The following GALNT16 variants were observed in gnomAD, a reference collection of about 807,000 sequenced individuals.
GALNT16 encodes polypeptide N-acetylgalactosaminyltransferase 16, also known as UDP-GalNAc:polypeptide N-acetylgalactosaminyltransferase-like protein 1.
A neutral mutation model predicts 76.1 loss-of-function variants in GALNT16; 40 were observed. The ratio of observed to expected loss-of-function variants is 0.53; its 90% CI spans 0.41 to 0.68. The LOEUF (loss-of-function observed/expected upper bound fraction) is 0.68. Among genes scored for constraint, GALNT16 ranks in the 30% least tolerant of loss-of-function variants. The pLI is 0.00. For missense variants in GALNT16, 621 were observed against 731.9 expected, an observed-to-expected ratio of 0.85 and a Z score of 1.75; for synonymous variants, 276 against 285.2, an observed-to-expected ratio of 0.97 and a Z score of 0.32.
intron 2 of GALNT16, among the ~76,000 whole-genome samples, chr14:69,323,519 C>G (rs920531037): frequency 1.3e-5 from 2 of 152,180 alleles, no homozygotes; most frequent in African/African-American, 4.8e-5. Flanking sequence ...TGGAGGTCAG[C>G]ACTGGGAGGG....
chr14:69,307,692 G>C (rs1483883853), intron 1 of GALNT16, among the ~76,000 whole-genome samples: 3 of 152,110 alleles, frequency 2.0e-5, no homozygotes, highest in Admixed American at 6.5e-5. Context: ...TCCTTGCCCT[G>C]CCTGCCCACC....
chr14:69,306,649 A>T (rs112002796), intron 1 of GALNT16, among the ~76,000 whole-genome samples: 4 of 152,328 alleles, frequency 2.6e-5, no homozygotes, highest in African/African-American at 9.6e-5. Flanking sequence ...AAGTTGAATC[A>T]TGATTAAAAT....
intron 1 of GALNT16, among the ~76,000 whole-genome samples, chr14:69,308,304 A>T (rs1040625135): frequency 6.6e-6 from 1 of 152,114 alleles, no homozygotes; most frequent in Non-Finnish European, 1.5e-5. Context: ...TATATAAAAA[A>T]ACCTGACATG....
At chr14:69,343,637 G>T (rs11622064) in intron 12 of GALNT16, among the ~76,000 whole-genome samples, 17,580 of 152,280 alleles carry the variant, frequency 0.12, 1,200 homozygotes, top group East Asian at 0.28. Context: ...AGAAAAAAGA[G>T]CAGTCACTTC....
chr14:69,274,441 G>A (rs2044445874), intron 1 of GALNT16, among the ~76,000 whole-genome samples: 1 of 152,112 alleles, frequency 6.6e-6, no homozygotes, highest in African/African-American at 2.4e-5. Flanking sequence ...TTTCTCATGT[G>A]GTTGCAAACA....
At chr14:69,323,909 A>G (rs2045239494) in intron 2 of GALNT16, among the ~76,000 whole-genome samples, 1 of 152,206 alleles carries the variant, frequency 6.6e-6, no homozygotes, top group African/African-American at 2.4e-5. Flanking sequence ...AAAACCAGCA[A>G]CGGAGGCCAC....
In GALNT16 at chr14:69,331,450, C is replaced by T. The variant is rs1392356262; in HGVS notation, c.691-14C>T. The T allele has an allele frequency of 6.7e-7, 1 of 1,498,622 alleles. No homozygotes were observed. Among genetic ancestry groups the T allele is most frequent in the Non-Finnish European group, 9.3e-7 (1 of 1,075,074 alleles). The allele number at this position is 1,498,622 out of a possible 1,614,324, so 92.8% of individuals were successfully genotyped here. ...AAGTCCCAGGCCTCACACCATCTCA[C>T]ATCTCTCTCCTAGGACCACACCCGC... is the stretch of plus-strand genomic sequence containing the variant. On this transcript the variant is annotated splice_polypyrimidine_tract_variant and intron_variant, in intron 6 of 14. Coordinates refer to ENST00000448469, the MANE Select transcript of GALNT16 (RefSeq NM_001168368.2).
intron 13 of GALNT16, among the ~76,000 whole-genome samples, chr14:69,347,674 A>G (rs1040900949): frequency 1.3e-5 from 2 of 152,112 alleles, no homozygotes; most frequent in African/African-American, 4.8e-5. Context: ...CCCCCACCCC[A>G]GCATTTTATT....
At position 69,333,353 on chromosome 14, in the gene GALNT16, G is replaced by A. The variant is rs905951495; in HGVS notation, c.864-144G>A. 1.8e-4 allele frequency: 130 copies of A among 707,646 alleles called. No individual in the cohort carries two copies. Among genetic ancestry groups the A allele is most frequent in the East Asian group, 4.3e-4 (16 of 37,232 alleles). The allele number at this position is 707,646 out of a possible 1,614,324, so 43.8% of individuals were successfully genotyped here. ...AGAGGCCACGGGAACAGATGTGGGGGGCCAGGGAGCTGGCCAGACATCCTG... is the reference window on the plus strand; with the variant it reads ...AGAGGCCACGGGAACAGATGTGGGGAGCCAGGGAGCTGGCCAGACATCCTG... On this transcript the variant is annotated intron_variant, in intron 8 of 14. Coordinates refer to ENST00000448469, the MANE Select transcript of GALNT16 (RefSeq NM_001168368.2). The surrounding 1 kb of genome is among the most constrained non-coding windows in gnomAD (Gnocchi z 4.2).
rs1261309069 is a variant in GALNT16, at chr14:69,347,100, T to C, written c.1332T>C (p.Ser444=). ...AGCAGGGGGTGAACTGCTTAGAATC[T>C]CAGGGCCAGAACACAGCTGGTGACT... ...IIKQGVNCLE[S]QGQNTAGDFL... Residue 444 remains serine (S), a synonymous_variant, in exon 13 of 15, where the codon TCT becomes TCC. Transcript: ENST00000448469. The C allele has an allele frequency of 1.2e-6, 2 of 1,613,984 alleles. No homozygotes were observed. Among genetic ancestry groups the C allele is most frequent in the Admixed American group, 1.7e-5 (1 of 60,002 alleles).
rs141209603 is a variant in GALNT16, at chr14:69,333,039, C to T, written c.779-46C>T. 3.7e-5 allele frequency: 51 copies of T among 1,390,450 alleles called. No individual in the cohort carries two copies. The East Asian group carries it at 4.1e-4, about 11-fold the overall frequency. 86.1% of individuals were successfully genotyped at this position (1,390,450 alleles called of 1,614,324 possible). A position where few individuals can be genotyped will look rare whatever the true frequency, so the allele number is the denominator to read the frequency against. The stretch of plus-strand genomic sequence containing the variant: ...GGTGGAGTGAAGGGTCTCAGCAGCC[C>T]GCAGCTCTGCCCTGAGCTCTGTCCT... On this transcript the variant is annotated intron_variant, in intron 7 of 14. Coordinates refer to ENST00000448469, the MANE Select transcript of GALNT16 (RefSeq NM_001168368.2). The surrounding 1 kb of genome is among the most constrained non-coding windows in gnomAD (Gnocchi z 4.2).
At chr14:69,315,854 T>A (rs1405824854) in intron 1 of GALNT16, among the ~76,000 whole-genome samples, 1 of 152,200 alleles carries the variant, frequency 6.6e-6, no homozygotes, top group Non-Finnish European at 1.5e-5. Context: ...ATACTTTACA[T>A]CTCTTGGTTC....
At chr14:69,364,569 AAC>A in the GALNT16 span, among the ~76,000 whole-genome samples, 1 of 152,208 alleles carries the variant, frequency 6.6e-6, no homozygotes, top group Non-Finnish European at 1.5e-5. The surrounding 1 kb of genome is among the most constrained non-coding windows in gnomAD (Gnocchi z 4.2). Flanking sequence ...TCTGTGGTCC[AAC>A]AGTCGTCTTC....
chr14:69,343,952 G>A (rs1454364524), intron 12 of GALNT16, among the ~76,000 whole-genome samples: 1 of 152,174 alleles, frequency 6.6e-6, no homozygotes, highest in East Asian at 1.9e-4. Flanking sequence ...ATAATTTTTT[G>A]TTGCTAAGAT....
chr14:69,370,121 T>C, the GALNT16 span, among the ~76,000 whole-genome samples: 6 of 152,226 alleles, frequency 3.9e-5, no homozygotes, highest in African/African-American at 1.4e-4. Flanking sequence ...GTGCTGACTC[T>C]GTTTACATCC....
At chr14:69,268,849 G>A (rs895288813) in intron 1 of GALNT16, among the ~76,000 whole-genome samples, 2 of 152,178 alleles carry the variant, frequency 1.3e-5, no homozygotes, top group Non-Finnish European at 2.9e-5. Context: ...GGACATCTAG[G>A]GAGACAGTGT....
At chr14:69,357,520 A>G (rs566851840), downstream of GALNT16, 1 of 152,376 alleles carries the variant, frequency 6.6e-6, no homozygotes, top group Admixed American at 6.5e-5. Context: ...TTCTTGAGCT[A>G]GGGACCATTC....
At chr14:69,357,332 T>C (rs2045700578), downstream of GALNT16, 2 of 152,296 alleles carry the variant, frequency 1.3e-5, no homozygotes. Context: ...GGATAAGGTC[T>C]GGTGAAGTCC....
Position 69,260,339 on chromosome 14 carries a change from A to G in GALNT16, c.49A>G (p.Ile17Val), listed in dbSNP as rs1254148400. The change falls in exon 1 of 15, where the codon ATC becomes GTC. Residue 17 changes from isoleucine (I) to valine (V), a missense_variant. Transcript: ENST00000448469. ...CATCGCCATCCTGACCGTAGCCTGG[A>G]TCCTGGGCACTTTCTACTACTTATG... is the stretch of plus-strand genomic sequence containing the variant. ...NAIAILTVAW[I>V]LGTFYYLWQD... 5.0e-6 allele frequency: 8 copies of G among 1,612,792 alleles called. No homozygotes were observed. The highest frequency in any genetic ancestry group is 6.8e-6 in the Non-Finnish European group (8 of 1,179,500).
Sources: allele counts gnomAD v4.1 joint callset (sites outside exome capture counted in the v4.1 genomes callset), GRCh38; gene constraint gnomAD v4.1.1; non-coding constraint Gnocchi (gnomAD v3.1); transcripts MANE v1.5; gene names NCBI Gene and HGNC (gene_info 2026-07-23, HGNC 2026-07-21).